TBC1D5: variants seen among roughly 807,000 people sequenced by gnomAD.
TBC1D5 encodes the protein TBC1 domain family member 5, also known as TBC1 domain family, member 5.
A neutral mutation model predicts 100.3 loss-of-function variants in TBC1D5; 75 were observed. The ratio of observed to expected loss-of-function variants is 0.75; its 90% CI spans 0.62 to 0.91. The LOEUF is 0.91. Among genes scored for constraint, TBC1D5 ranks in the 40% least tolerant of loss-of-function variants. The pLI, the probability that TBC1D5 is intolerant of heterozygous loss-of-function variation, is 0.00. For synonymous variants in TBC1D5, 323 were observed against 325.6 expected (o/e 0.99, Z 0.09); for missense variants, 910 against 942.4 (o/e 0.97, Z 0.45).
chr3:17,579,201 C>T (rs549838329), intron 2 of TBC1D5, among the ~76,000 whole-genome samples: 86 of 151,930 alleles, frequency 5.7e-4, no homozygotes, highest in Non-Finnish European at 1.1e-3. Flanking sequence ...GTCAGTTGTT[C>T]ACACTACAAA....
At chr3:17,521,597 C>T (rs1159607512) in intron 2 of TBC1D5, among the ~76,000 whole-genome samples, 1 of 152,084 alleles carries the variant, frequency 6.6e-6, no homozygotes, top group African/African-American at 2.4e-5. Context: ...TCCCTAACTC[C>T]CATGTTGCTC....
intron 13 of TBC1D5, among the ~76,000 whole-genome samples, chr3:17,358,153 T>C (rs899818069): frequency 1.3e-5 from 2 of 149,906 alleles, no homozygotes; most frequent in Non-Finnish European, 3.0e-5. Context: ...ATTCTGATAC[T>C]GTCCACAATG....
rs576799878 is a variant in TBC1D5 at position 17,518,628 on chromosome 3, A to C, written c.-35-10023T>G. 2.6e-5 allele frequency among the ~76,000 whole-genome samples: 4 copies of C among 152,352 alleles called. No individual in the cohort carries two copies. In the South Asian group the frequency reaches 8.3e-4, roughly 32 times the overall value. ...CCTCATTTTTCCTGGATGCTGGACA[A>C]GAGCTCGGGAGCCACAAGTGCAGAT... On this transcript the variant is annotated intron_variant, in intron 2 of 21. Coordinates refer to ENST00000253692, the Ensembl canonical transcript of TBC1D5.
chr3:17,296,795 G>T (rs2082299795), intron 14 of TBC1D5, among the ~76,000 whole-genome samples: 1 of 152,146 alleles, frequency 6.6e-6, no homozygotes, highest in Admixed American at 6.5e-5. Flanking sequence ...TAAACACTTG[G>T]ATACTCTTTG....
chr3:17,530,608 A>C (rs1371964912), intron 2 of TBC1D5, among the ~76,000 whole-genome samples: 1 of 152,168 alleles, frequency 6.6e-6, no homozygotes, highest in Admixed American at 6.5e-5. Context: ...GAATAGTTAT[A>C]TTTTCTTGAA....
intron 4 of TBC1D5, among the ~76,000 whole-genome samples, chr3:17,423,462 G>A (rs1372394441): frequency 1.3e-5 from 2 of 151,964 alleles, no homozygotes; most frequent in Non-Finnish European, 2.9e-5. Context: ...AGTAACTTTT[G>A]TTTTTTAATT....
intron 2 of TBC1D5, among the ~76,000 whole-genome samples, chr3:17,566,328 A>C (rs749762673): frequency 1.3e-5 from 2 of 151,988 alleles, no homozygotes; most frequent in Non-Finnish European, 2.9e-5. Flanking sequence ...CTAAAAACTG[A>C]TAAGTAGGGA....
intron 2 of TBC1D5, among the ~76,000 whole-genome samples, chr3:17,564,913 C>T (rs1261453997): frequency 1.3e-5 from 2 of 151,968 alleles, no homozygotes; most frequent in Non-Finnish European, 2.9e-5. Flanking sequence ...CAAAAATCAA[C>T]ATCATATATT....
At chr3:17,606,827 A>G (rs1312339087) in intron 2 of TBC1D5, among the ~76,000 whole-genome samples, 2 of 152,314 alleles carry the variant, frequency 1.3e-5, no homozygotes, top group Non-Finnish European at 2.9e-5. Context: ...CCAGTAAATA[A>G]TATCAAAACT....
chr3:17,611,239 G>A (rs1206600814), intron 2 of TBC1D5, among the ~76,000 whole-genome samples: 3 of 152,168 alleles, frequency 2.0e-5, no homozygotes, highest in African/African-American at 7.2e-5. Context: ...ACATCTCAAA[G>A]TGAAAATGGA....
chr3:17,406,971 G>T (rs975094337), intron 4 of TBC1D5, among the ~76,000 whole-genome samples: 1 of 152,038 alleles, frequency 6.6e-6, no homozygotes, highest in East Asian at 1.9e-4. Flanking sequence ...TGTCAGGCTG[G>T]ACAGTAAAGT....
At chr3:17,404,828 A>G in intron 6 of TBC1D5, 44 bp downstream of exon 6, 1 of 1,564,746 alleles carries the variant, frequency 6.4e-7, no homozygotes, top group Non-Finnish European at 8.7e-7. Flanking sequence ...TTTAAAGTGT[A>G]CATAAGAAAA....
intron 15 of TBC1D5, among the ~76,000 whole-genome samples, chr3:17,272,997 C>T (rs1258204760): frequency 1.3e-5 from 2 of 152,114 alleles, no homozygotes. Context: ...CTTCCTTTTT[C>T]TCAACCCTCT....
chr3:17,708,561 A>T (rs995833358), intron 1 of TBC1D5, among the ~76,000 whole-genome samples: 2 of 152,218 alleles, frequency 1.3e-5, no homozygotes, highest in Non-Finnish European at 2.9e-5. Flanking sequence ...AATGTTTAAC[A>T]GCAACCCTGG....
intron 18 of TBC1D5, among the ~76,000 whole-genome samples, chr3:17,207,307 C>T (rs2072341374): frequency 6.6e-6 from 1 of 152,114 alleles, no homozygotes. Context: ...AAATAGACTT[C>T]TAGAAAGCTA....
At chr3:17,726,141 T>C (rs1198455440) in intron 1 of TBC1D5, among the ~76,000 whole-genome samples, 12 of 152,220 alleles carry the variant, frequency 7.9e-5, no homozygotes, top group African/African-American at 2.4e-5. Flanking sequence ...GTTGATTCCA[T>C]GTCTTTGCCG....
chr3:17,262,745 T>G (rs1009921257), intron 15 of TBC1D5, among the ~76,000 whole-genome samples: 1 of 152,028 alleles, frequency 6.6e-6, no homozygotes, highest in East Asian at 1.9e-4. Context: ...CCTCCCAAAG[T>G]GCTGGGATTA....
At chr3:17,187,211 G>C (rs2069241051) in intron 18 of TBC1D5, among the ~76,000 whole-genome samples, 1 of 152,198 alleles carries the variant, frequency 6.6e-6, no homozygotes, top group South Asian at 2.1e-4. Context: ...GAGGTAGTAT[G>C]TATTCCCCCT....
chr3:17,230,826 A>C (rs902486420), intron 17 of TBC1D5, among the ~76,000 whole-genome samples: 72 of 152,142 alleles, frequency 4.7e-4, no homozygotes, highest in African/African-American at 1.7e-3. Context: ...CGCTGTGGAT[A>C]CCAAAATCCA....
Sources: gnomAD v4.1 joint callset for allele counts (sites outside exome capture counted in the v4.1 genomes callset) on GRCh38, gnomAD v4.1.1 for gene constraint, MANE v1.5 for transcripts, NCBI Gene and HGNC (gene_info 2026-07-23, HGNC 2026-07-21) for gene names.